The following TOX3 variants were observed in gnomAD, a reference collection of about 807,000 sequenced individuals.
TOX3 encodes the protein TOX high mobility group box family member 3.
Under a neutral mutation model 64.3 loss-of-function variants are expected in TOX3, and 22 were observed. The ratio of observed to expected loss-of-function variants is 0.34; its 90% CI spans 0.24 to 0.49. The LOEUF (loss-of-function observed/expected upper bound fraction) is 0.49. Among genes scored for constraint, TOX3 ranks in the 20% least tolerant of loss-of-function variants. The pLI is 0.99. For missense variants in TOX3, 661 were observed against 714.4 expected, an observed-to-expected ratio of 0.93 and a Z score of 0.85; for synonymous variants, 291 against 273.6, an observed-to-expected ratio of 1.06 and a Z score of -0.63.
chr16:52,458,265 A>G (rs1160486796), intron 3 of TOX3, among the ~76,000 whole-genome samples: 1 of 152,168 alleles, frequency 6.6e-6, no homozygotes, highest in African/African-American at 2.4e-5. Context: ...ACGACACCAA[A>G]CAGACCCAAG....
At chr16:52,523,449 T>C (rs184873887) in intron 1 of TOX3, among the ~76,000 whole-genome samples, 153 of 152,252 alleles carry the variant, frequency 1.0e-3, no homozygotes, top group Non-Finnish European at 1.9e-3. Flanking sequence ...TACTTATTTT[T>C]CTCAAATAGC....
At chr16:52,472,431 A>T (rs1254301733) in intron 1 of TOX3, among the ~76,000 whole-genome samples, 2 of 152,174 alleles carry the variant, frequency 1.3e-5, no homozygotes, top group African/African-American at 4.8e-5. Flanking sequence ...ATTTTCCCTG[A>T]ATCTTTCTTA....
rs1464497508 is a variant in TOX3, at chr16:52,544,753, A to G, written c.87+1884T>C. Among the ~76,000 whole-genome samples the G allele has an allele frequency of 2.0e-5, 3 of 152,206 alleles. No individual in the cohort carries two copies. In the East Asian group the frequency reaches 5.8e-4, roughly 29 times the overall value. ...AAATAGACTCAAAATAGCCTTTCTCAGAAAATAAAAAAGAGACACACACAA... is the reference window on the plus strand; with the variant it reads ...AAATAGACTCAAAATAGCCTTTCTCGGAAAATAAAAAAGAGACACACACAA... On this transcript the variant is annotated intron_variant, in intron 1 of 6. Coordinates refer to ENST00000219746, the MANE Select transcript of TOX3 (RefSeq NM_001080430.4).
rs775935969 is a variant in TOX3, at chr16:52,530,651, CT to C, written c.87+15985del. 6.5e-3 allele frequency among the ~76,000 whole-genome samples: 939 copies of C among 145,322 alleles called. 5 individuals carry two copies. The highest frequency in any genetic ancestry group is 0.019 in the African/African-American group (772 of 39,942). ...GCGTGAGCCACCATGCCTGGCCCCTCTTTTTTTTTTTTCTTTTTTTTCTAAC... is the reference window on the plus strand; with the variant it reads ...GCGTGAGCCACCATGCCTGGCCCCTCTTTTTTTTTTTCTTTTTTTTCTAAC... On this transcript the variant is annotated intron_variant, in intron 1 of 6. Transcript: ENST00000219746.
rs1001950931 is a variant in TOX3, at chr16:52,546,999, G to GGGGGCGC, written c.-283_-277dup. On this transcript the variant is annotated 5_prime_UTR_variant, in exon 1 of 7. Transcript: ENST00000219746. ...CAGCGCTGCGCGCGGGCCGGGCGCC[G>GGGGGCGC]GGGGCGCGGGGCGCGGCGCTGGGGC... 103 of 961,648 alleles carry GGGGGCGC rather than the reference G, an allele frequency of 1.1e-4. No individual in the cohort carries two copies. The African/African-American group carries it at 1.6e-3, about 15-fold the overall frequency. The allele number at this position is 961,648 out of a possible 1,614,324, so 59.6% of individuals were successfully genotyped here. A position where few individuals can be genotyped will look rare whatever the true frequency, so the allele number is the denominator to read the frequency against.
At chr16:52,442,968 T>G (rs1331933659) in intron 6 of TOX3, among the ~76,000 whole-genome samples, 1 of 152,200 alleles carries the variant, frequency 6.6e-6, no homozygotes, top group East Asian at 1.9e-4. Context: ...ACAGGCTTCA[T>G]GAGCCCAATC....
At chr16:52,466,308 T>A (rs1051289021) in intron 2 of TOX3, among the ~76,000 whole-genome samples, 2 of 152,114 alleles carry the variant, frequency 1.3e-5, no homozygotes, top group African/African-American at 2.4e-5. Flanking sequence ...ATAAAGCAAA[T>A]GTGTGAATTT....
intron 1 of TOX3, chr16:52,475,667 A>G (rs1961185889): frequency 1.3e-5 from 2 of 152,220 alleles, no homozygotes; most frequent in Non-Finnish European, 2.9e-5. Flanking sequence ...CCAACAGCAT[A>G]AAGTCAATGG....
chr16:52,439,367 G>A lies in TOX3; in HGVS notation c.1589C>T (p.Pro530Leu). 1 of 1,607,072 alleles carries A rather than the reference G, an allele frequency of 6.2e-7. No homozygotes were observed. ...AGAGGCGACAGGGGAGTGCTGCCGA[G>A]GAGAAGGCTGAGACTGGTGCTGCAT... ...QHMQHQSQPS[P>L]RQHSPVASQI... The change falls in exon 7 of 7, where the codon CCT (proline) becomes CTT (leucine). Residue 530 changes from proline to leucine, a missense_variant. Pro to Leu is a moderately conservative substitution (Grantham distance 98). Around this residue, in one of 3 missense-constraint regions of TOX3, gnomAD observed 299 missense variants for 292.1 expected, o/e 1.02. Coordinates refer to ENST00000219746, the MANE Select transcript of TOX3 (RefSeq NM_001080430.4).
Position 52,436,588 on chromosome 16 carries a change from A to T in TOX3, c.*2637T>A, listed in dbSNP as rs566137499. ...CAATAATTTGGTAACAAGGTTGAGGAATTCTTTTCATGATTCAAGCCTTTT... is the reference window on the plus strand; with the variant it reads ...CAATAATTTGGTAACAAGGTTGAGGTATTCTTTTCATGATTCAAGCCTTTT... On this transcript the variant is annotated 3_prime_UTR_variant, in exon 7 of 7. Transcript: ENST00000219746. Among the ~76,000 whole-genome samples, 11 of 152,294 alleles carry T rather than the reference A, an allele frequency of 7.2e-5. No homozygotes were observed. The highest frequency in any genetic ancestry group is 4.6e-4 in the Admixed American group (7 of 15,290).
intron 1 of TOX3, among the ~76,000 whole-genome samples, chr16:52,506,533 C>T (rs1962166995): frequency 6.6e-6 from 1 of 152,102 alleles, no homozygotes; most frequent in Non-Finnish European, 1.5e-5. Flanking sequence ...ATTCTTGGCC[C>T]TTCTTTTAAA....
intron 1 of TOX3, among the ~76,000 whole-genome samples, chr16:52,506,955 G>A (rs898492192): frequency 6.6e-6 from 1 of 152,110 alleles, no homozygotes; most frequent in African/African-American, 2.4e-5. Flanking sequence ...GATTAGAGTT[G>A]CCCATAGAAA....
intron 6 of TOX3, among the ~76,000 whole-genome samples, 167 bp from the exon 7 acceptor site, chr16:52,440,135 G>A (rs1301574291): frequency 6.6e-6 from 1 of 152,062 alleles, no homozygotes; most frequent in African/African-American, 2.4e-5. Flanking sequence ...CCCTGAGGTG[G>A]AGTCAAATCC....
rs754420214 is a variant in TOX3, at chr16:52,444,238, G to C, written c.987+38C>G. 2.5e-5 allele frequency: 37 copies of C among 1,476,162 alleles called. 2 individuals carry two copies. The South Asian group carries it at 4.6e-4, about 18-fold the overall frequency. The allele number at this position is 1,476,162 out of a possible 1,614,324, so 91.4% of individuals were successfully genotyped here. ...GCTTGAGGGCTGTTTTCCACGCTGT[G>C]ACTATTTTGGAGCCTGGCCGCCCCT... is the stretch of plus-strand genomic sequence containing the variant. On this transcript the variant is annotated intron_variant, in intron 6 of 6. Coordinates refer to ENST00000219746, the MANE Select transcript of TOX3 (RefSeq NM_001080430.4).
intron 2 of TOX3, among the ~76,000 whole-genome samples, chr16:52,464,954 C>T (rs1161637920): frequency 6.9e-6 from 1 of 144,470 alleles, no homozygotes; most frequent in Non-Finnish European, 1.5e-5. Context: ...ATGCTGTTCG[C>T]TTACTTAGAG....
At chr16:52,479,851 G>A (rs546573802) in intron 1 of TOX3, among the ~76,000 whole-genome samples, 1 of 152,316 alleles carries the variant, frequency 6.6e-6, no homozygotes, top group African/African-American at 2.4e-5. Context: ...GCACTTTAGT[G>A]TGAATTCGTT....
chr16:52,498,588 TG>T (rs562582817), intron 1 of TOX3, among the ~76,000 whole-genome samples: 75 of 150,474 alleles, frequency 5.0e-4, no homozygotes, highest in Non-Finnish European at 7.1e-4. Context: ...TTTGTGGGGT[TG>T]GGGGGGGGAG....
intron 1 of TOX3, among the ~76,000 whole-genome samples, chr16:52,545,789 G>C (rs1963163355): frequency 6.6e-6 from 1 of 152,078 alleles, no homozygotes; most frequent in Non-Finnish European, 1.5e-5. Flanking sequence ...GGGGAATTCC[G>C]CGCGGCCCGG....
chr16:52,520,742 A>C (rs1353105362), intron 1 of TOX3, among the ~76,000 whole-genome samples: 1 of 152,210 alleles, frequency 6.6e-6, no homozygotes, highest in East Asian at 1.9e-4. Context: ...CATAAAGATA[A>C]ATACAGGAAA....
Sources: allele counts gnomAD v4.1 joint callset (sites outside exome capture counted in the v4.1 genomes callset), GRCh38; gene constraint gnomAD v4.1.1; regional missense constraint gnomAD v4.1.1; transcripts MANE v1.5; gene names NCBI Gene and HGNC (gene_info 2026-07-23, HGNC 2026-07-21).